Variants in TMEM132D observed in about 807,000 individuals in gnomAD.
TMEM132D encodes transmembrane protein 132D.
Under a neutral mutation model 62.3 loss-of-function variants are expected in TMEM132D, and 21 were observed. The observed-to-expected ratio is 0.34, with a 90% confidence interval of 0.24 to 0.49. The LOEUF is 0.49. TMEM132D is among the 20% of genes least tolerant of loss of function. The pLI, the probability that TMEM132D is intolerant of heterozygous loss-of-function variation, is 0.99. For synonymous variants in TMEM132D, 621 were observed against 575.6 expected (o/e 1.08, Z -1.13); for missense variants, 1,346 against 1,402.8 (o/e 0.96, Z 0.65).
At chr12:129,793,093 A>T (rs1223062454) in intron 1 of TMEM132D, among the ~76,000 whole-genome samples, 1 of 150,732 alleles carries the variant, frequency 6.6e-6, no homozygotes, top group East Asian at 1.9e-4. Flanking sequence ...TTTTTTAAAG[A>T]AATAGAGACA....
intron 2 of TMEM132D, among the ~76,000 whole-genome samples, chr12:129,691,853 G>A (rs921524743): frequency 5.3e-5 from 8 of 151,862 alleles, no homozygotes; most frequent in African/African-American, 1.9e-4. Flanking sequence ...CTTATAACTA[G>A]GATTTAAGAT....
intron 3 of TMEM132D, among the ~76,000 whole-genome samples, chr12:129,439,212 T>C (rs1351417840): frequency 6.6e-6 from 1 of 152,256 alleles, no homozygotes; most frequent in Non-Finnish European, 1.5e-5. Flanking sequence ...TAAATGCTCA[T>C]ATCTGGTAAC....
intron 1 of TMEM132D, among the ~76,000 whole-genome samples, chr12:129,858,973 C>T (rs1350990598): frequency 7.1e-5 from 8 of 112,482 alleles, no homozygotes; most frequent in African/African-American, 3.0e-4. Flanking sequence ...TCCGGGGGAA[C>T]GGGATGGGTG....
In TMEM132D at chr12:129,513,058, A is replaced by G. The variant is rs145409135; in HGVS notation, c.1115+18001T>C. 2.2e-4 allele frequency among the ~76,000 whole-genome samples: 33 copies of G among 152,336 alleles called. No individual in the cohort carries two copies. In the East Asian group the frequency reaches 6.4e-3, roughly 29 times the overall value. ...GTCTTAGTCCATTTTGTGTTGCTAGAAAAGAATATCTGAGGCTGGGTAACT... is the reference window on the plus strand; with the variant it reads ...GTCTTAGTCCATTTTGTGTTGCTAGGAAAGAATATCTGAGGCTGGGTAACT... On this transcript the variant is annotated intron_variant, in intron 3 of 8. Transcript: ENST00000422113.
At chr12:129,872,288 G>A (rs1395238438) in intron 1 of TMEM132D, among the ~76,000 whole-genome samples, 1 of 152,118 alleles carries the variant, frequency 6.6e-6, no homozygotes, top group African/African-American at 2.4e-5. Context: ...GTGGGCCTTG[G>A]GAGGCACAGA....
At chr12:129,130,144 T>C (rs1326465188) in intron 5 of TMEM132D, among the ~76,000 whole-genome samples, 1 of 151,780 alleles carries the variant, frequency 6.6e-6, no homozygotes, top group Non-Finnish European at 1.5e-5. Flanking sequence ...GGAACCCCTC[T>C]CTAGGAAGGG....
intron 4 of TMEM132D, chr12:129,212,593 T>C (rs574583297): frequency 1.3e-5 from 2 of 152,242 alleles, no homozygotes; most frequent in African/African-American, 4.8e-5. Context: ...AGCTTCCTTA[T>C]TGCTGCGTGG....
chr12:129,157,842 G>A (rs921197921), intron 5 of TMEM132D, among the ~76,000 whole-genome samples: 5 of 152,182 alleles, frequency 3.3e-5, no homozygotes, highest in African/African-American at 1.2e-4. Flanking sequence ...CTCTGCAGCT[G>A]TCAATCCACT....
chr12:129,487,031 T>TG (rs533544416), intron 3 of TMEM132D, among the ~76,000 whole-genome samples: 818 of 70,430 alleles, frequency 0.012, 6 homozygotes, highest in African/African-American at 0.022. Flanking sequence ...TGTTTGCGTA[T>TG]GGGGGGGGGG....
At chr12:129,513,802 ATTTTTATT>A (rs1416123850) in intron 3 of TMEM132D, among the ~76,000 whole-genome samples, 5 of 127,760 alleles carry the variant, frequency 3.9e-5, no homozygotes, top group Admixed American at 2.4e-4. Context: ...ACCAATTTTT[ATTTTTATT>A]TATTTATTTA....
intron 2 of TMEM132D, among the ~76,000 whole-genome samples, chr12:129,687,790 A>G (rs1312901118): frequency 2.6e-5 from 4 of 151,904 alleles, no homozygotes; most frequent in Non-Finnish European, 4.4e-5. Context: ...CAGCCTTTCT[A>G]CTCATCTCTG....
chr12:129,594,548 G>A (rs750923710), intron 2 of TMEM132D, among the ~76,000 whole-genome samples: 36 of 152,278 alleles, frequency 2.4e-4, no homozygotes, highest in African/African-American at 5.8e-4. Context: ...GCCTTTACTC[G>A]AAAAGTGGCT....
chr12:129,567,532 T>C (rs1271876951), intron 2 of TMEM132D, among the ~76,000 whole-genome samples: 1 of 152,214 alleles, frequency 6.6e-6, no homozygotes, highest in Non-Finnish European at 1.5e-5. Context: ...AGTCTAACTA[T>C]ACTTCAATAA....
At position 129,478,391 on chromosome 12, in the gene TMEM132D, G is replaced by A. The variant is rs190308187; in HGVS notation, c.1115+52668C>T. Among the ~76,000 whole-genome samples the A allele has an allele frequency of 4.2e-3, 640 of 152,300 alleles. 2 individuals carry two copies. Among genetic ancestry groups the A allele is most frequent in the Non-Finnish European group, 6.1e-3 (413 of 68,032 alleles). On this transcript the variant is annotated intron_variant, in intron 3 of 8. Transcript: ENST00000422113. ...ATCACTGGGTGATAGGAATGTTTTGGTTCCATTATAACCTTACGGAACCAC... is the reference window on the plus strand; with the variant it reads ...ATCACTGGGTGATAGGAATGTTTTGATTCCATTATAACCTTACGGAACCAC...
intron 2 of TMEM132D, among the ~76,000 whole-genome samples, chr12:129,564,968 T>C (rs1005882843): frequency 6.6e-6 from 1 of 152,164 alleles, no homozygotes; most frequent in African/African-American, 2.4e-5. Flanking sequence ...GAAATACCTA[T>C]GCAGGAAGAA....
chr12:129,105,031 T>C (rs1875446650), intron 5 of TMEM132D, among the ~76,000 whole-genome samples: 1 of 141,904 alleles, frequency 7.0e-6, no homozygotes, highest in Non-Finnish European at 1.5e-5. Flanking sequence ...GACCCAGCCA[T>C]CCCATTACTG....
intron 1 of TMEM132D, among the ~76,000 whole-genome samples, chr12:129,837,311 C>T (rs2137340104): frequency 6.6e-6 from 1 of 152,252 alleles, no homozygotes; most frequent in South Asian, 2.1e-4. Context: ...GGGAAGTAAG[C>T]CTGGAAATAC....
intron 2 of TMEM132D, among the ~76,000 whole-genome samples, chr12:129,532,659 C>CT (rs1566101127): frequency 6.6e-6 from 1 of 152,176 alleles, no homozygotes; most frequent in Admixed American, 6.5e-5. Context: ...GTCAGAGGGG[C>CT]TCACGGTGCC....
intron 3 of TMEM132D, among the ~76,000 whole-genome samples, chr12:129,525,080 C>T (rs1274735361): frequency 1.3e-5 from 2 of 149,868 alleles, no homozygotes; most frequent in Non-Finnish European, 3.0e-5. Flanking sequence ...CGCCCGCCAC[C>T]ACACTCAGCT....
Sources: allele counts gnomAD v4.1 joint callset (sites outside exome capture counted in the v4.1 genomes callset), GRCh38; gene constraint gnomAD v4.1.1; transcripts MANE v1.5; gene names NCBI Gene and HGNC (gene_info 2026-07-23, HGNC 2026-07-21).